The following KIF13A variants were observed in gnomAD, a reference collection of about 807,000 sequenced individuals.
KIF13A encodes the protein kinesin-like protein KIF13A.
Under a neutral mutation model 212.2 loss-of-function variants are expected in KIF13A, and 79 were observed. That is an observed-to-expected ratio of 0.37 (90% CI 0.31 to 0.45). The LOEUF is 0.45. Among genes scored for constraint, KIF13A ranks in the 20% least tolerant of loss-of-function variants. The pLI, the probability that KIF13A is intolerant of heterozygous loss-of-function variation, is 1.00. For missense variants in KIF13A, 1,901 were observed against 2,209.0 expected (o/e 0.86, Z 2.79); for synonymous variants, 789 against 808.6 (o/e 0.98, Z 0.41).
intron 2 of KIF13A, among the ~76,000 whole-genome samples, chr6:17,945,057 G>A (rs1292545834): frequency 6.6e-6 from 1 of 152,156 alleles, no homozygotes; most frequent in Non-Finnish European, 1.5e-5. Context: ...AGGATCATCT[G>A]AGCTCAGCAG....
chr6:17,964,935 G>C (rs189954818), intron 2 of KIF13A, among the ~76,000 whole-genome samples: 106 of 152,062 alleles, frequency 7.0e-4, no homozygotes, highest in African/African-American at 2.6e-3. Context: ...CGATTCTCCC[G>C]CCTCAGCCTC....
chr6:17,802,706 A>T (rs1191735431), intron 20 of KIF13A, among the ~76,000 whole-genome samples: 1 of 152,096 alleles, frequency 6.6e-6, no homozygotes, highest in East Asian at 1.9e-4. Context: ...GAAGTCCTGA[A>T]CTAGGGACTC....
At position 17,768,716 on chromosome 6, in the gene KIF13A, C is replaced by G. The variant is rs143285536; in HGVS notation, c.4581+2398G>C. Among the ~76,000 whole-genome samples the G allele has an allele frequency of 6.6e-6, 1 of 152,180 alleles. No individual in the cohort carries two copies. The highest frequency in any genetic ancestry group is 6.5e-5 in the Admixed American group (1 of 15,280). On this transcript the variant is annotated intron_variant, in intron 38 of 38. Transcript: ENST00000259711. This position sits in a 1 kb window ranked among gnomAD's most constrained non-coding sequence, Gnocchi z 5.4. ...AGCAAGTTGCTCAACAATTCTAACC[C>G]TTTGCTTCTTCTTCTGTAAACCAGA...
chr6:17,770,843 G>C, intron 38 of KIF13A: 1 of 725,870 alleles, frequency 1.4e-6, no homozygotes, highest in Non-Finnish European at 1.9e-6. Flanking sequence ...AGATCTCTTT[G>C]TTACACTTTT....
chr6:17,924,787 G>A (rs1356879120), intron 2 of KIF13A, among the ~76,000 whole-genome samples: 2 of 152,116 alleles, frequency 1.3e-5, no homozygotes, highest in African/African-American at 2.4e-5. Context: ...AGATGTAGAT[G>A]GAAACATACT....
intron 2 of KIF13A, among the ~76,000 whole-genome samples, chr6:17,921,181 C>T (rs1311772258): frequency 2.0e-5 from 3 of 152,180 alleles, no homozygotes; most frequent in African/African-American, 4.8e-5. Context: ...TAATGCCTGC[C>T]TCTATAAGCC....
At chr6:17,775,115 GT>G (rs1012885244) in intron 34 of KIF13A, 53 bp from the exon 35 acceptor site, 88 of 1,404,744 alleles carry the variant, frequency 6.3e-5, no homozygotes, top group East Asian at 7.4e-5. Flanking sequence ...AATATAAGGG[GT>G]TTTTTTTATA....
At chr6:17,779,257 A>ATAT (rs1561961153) in intron 32 of KIF13A, among the ~76,000 whole-genome samples, 158 bp from the exon 33 acceptor site, 2 of 37,846 alleles carry the variant, frequency 5.3e-5, no homozygotes, top group Non-Finnish European at 4.7e-5. Flanking sequence ...ATATATATAT[A>ATAT]TTTTTTTTTT....
At chr6:17,884,699 G>A (rs1032153721) in intron 3 of KIF13A, among the ~76,000 whole-genome samples, 3 of 152,150 alleles carry the variant, frequency 2.0e-5, no homozygotes, top group Admixed American at 1.3e-4. Flanking sequence ...GACTTGCTTT[G>A]CTTTGTATGA....
rs757355919 is a variant in KIF13A at position 17,897,521 on chromosome 6, T to A, written c.159+647A>T. 1.3e-5 allele frequency among the ~76,000 whole-genome samples: 2 copies of A among 152,190 alleles called. No individual in the cohort carries two copies. The highest frequency in any genetic ancestry group is 2.4e-5 in the African/African-American group (1 of 41,448). On this transcript the variant is annotated intron_variant, in intron 3 of 38. Transcript: ENST00000259711. The surrounding 1 kb of genome is among the most constrained non-coding windows in gnomAD (Gnocchi z 4.8). ...TATTCCCCCACTTCCCTCCTCTAAC[T>A]ATTCTCTAACTTCTGGCCTTCTCAC...
In KIF13A at chr6:17,799,430, T is replaced by C; in HGVS notation, c.2626A>G (p.Lys876Glu). Reference sequence around the variant, plus strand: ...TTTAAGGGCAGCCCCGTTGCTTCTTTAATTTTTACCTGAAGAGATAAACAA... The same window carrying C: ...TTTAAGGGCAGCCCCGTTGCTTCTTCAATTTTTACCTGAAGAGATAAACAA... ...VKKLTCRVKI[K>E]EATGLPLNLS... The change falls in exon 22 of 39, where the codon AAA (lysine) becomes GAA (glutamate). Residue 876 changes from lysine (K) to glutamate (E), a missense_variant. By Grantham distance (56) the Lys-to-Glu change is moderately conservative. Coordinates refer to ENST00000259711, the MANE Select transcript of KIF13A (RefSeq NM_022113.6). The surrounding 1 kb of genome is among the most constrained non-coding windows in gnomAD (Gnocchi z 4.4). 1.3e-6 allele frequency: 2 copies of C among 1,554,632 alleles called. No individual in the cohort carries two copies. Among genetic ancestry groups the C allele is most frequent in the Non-Finnish European group, 1.7e-6 (2 of 1,149,652 alleles).
At chr6:17,907,365 G>C (rs1773603295) in intron 2 of KIF13A, among the ~76,000 whole-genome samples, 1 of 152,148 alleles carries the variant, frequency 6.6e-6, no homozygotes, top group African/African-American at 2.4e-5. Context: ...AATTTGGTGA[G>C]AGCTCTTTCA....
chr6:17,877,288 G>A (rs577656858), intron 3 of KIF13A, among the ~76,000 whole-genome samples: 126 of 151,776 alleles, frequency 8.3e-4, no homozygotes, highest in African/African-American at 2.9e-3. Flanking sequence ...ATTCAATTTT[G>A]TTACTTAAAC....
chr6:17,794,107 A>T lies in KIF13A; in HGVS notation c.3222+142T>A. 1.7e-6 allele frequency: 1 copy of T among 593,606 alleles called. No individual in the cohort carries two copies. The highest frequency in any genetic ancestry group is 2.9e-6 in the Non-Finnish European group (1 of 345,182). The allele number at this position is 593,606 out of a possible 1,614,324, so 36.8% of individuals were successfully genotyped here. A position where few individuals can be genotyped will look rare whatever the true frequency, so the allele number is the denominator to read the frequency against. On this transcript the variant is annotated intron_variant, in intron 25 of 38. Transcript: ENST00000259711. The surrounding 1 kb of genome is among the most constrained non-coding windows in gnomAD (Gnocchi z 4.1). ...CTAAGCAAACAGATTTTAAAGCTAG[A>T]AAAAAGGCAATGGATGGAAATGTGA...
chr6:17,910,711 G>C (rs1356363763), intron 2 of KIF13A, among the ~76,000 whole-genome samples: 1 of 152,200 alleles, frequency 6.6e-6, no homozygotes, highest in Non-Finnish European at 1.5e-5. Flanking sequence ...TAACAGCAAA[G>C]TCTTAAAATT....
At chr6:17,906,416 C>CT (rs1486025723) in intron 2 of KIF13A, among the ~76,000 whole-genome samples, 1 of 145,500 alleles carries the variant, frequency 6.9e-6, no homozygotes, top group Non-Finnish European at 1.5e-5. Flanking sequence ...TCCCTTTCCC[C>CT]TTCCCCCTTC....
chr6:17,923,560 C>T (rs1283082913), intron 2 of KIF13A, among the ~76,000 whole-genome samples: 1 of 150,854 alleles, frequency 6.6e-6, no homozygotes, highest in Admixed American at 6.6e-5. Flanking sequence ...TGGTTGGTAG[C>T]TTAGTTTTCT....
chr6:17,916,261 A>G (rs1434691623), intron 2 of KIF13A, among the ~76,000 whole-genome samples: 1 of 152,214 alleles, frequency 6.6e-6, no homozygotes, highest in African/African-American at 2.4e-5. Context: ...AAAAGCAGTC[A>G]AGGGGGGATC....
At chr6:17,873,221 C>A in intron 4 of KIF13A, 156 bp downstream of exon 4, 1 of 540,906 alleles carries the variant, frequency 1.8e-6, no homozygotes, top group Non-Finnish European at 3.2e-6. Context: ...ATTCTGAAAC[C>A]AAATCTTATT....
Sources: allele counts gnomAD v4.1 joint callset (sites outside exome capture counted in the v4.1 genomes callset), GRCh38; gene constraint gnomAD v4.1.1; non-coding constraint Gnocchi (gnomAD v3.1); transcripts MANE v1.5; gene names NCBI Gene and HGNC (gene_info 2026-07-23, HGNC 2026-07-21).